Variants in FBLN5 observed in about 807,000 individuals in gnomAD.
FBLN5 encodes fibulin-5.
A neutral mutation model predicts 61.6 loss-of-function variants in FBLN5; 24 were observed. That is an observed-to-expected ratio of 0.39 (90% CI 0.28 to 0.55). The LOEUF is 0.55. Among genes scored for constraint, FBLN5 ranks in the 20% least tolerant of loss-of-function variants. The pLI, the probability that FBLN5 is intolerant of heterozygous loss-of-function variation, is 0.65. For missense variants in FBLN5, 470 were observed against 594.1 expected (o/e 0.79, Z 2.17); for synonymous variants, 213 against 219.8 (o/e 0.97, Z 0.27).
chr14:91,894,566 A>T lies in FBLN5; in HGVS notation c.502+384T>A, dbSNP rs1242552338. ...CAAAAGCCCCATTTGTACAAAAAAT[A>T]CAAAAATTATCTGGGCGTGGTGGCA... On this transcript the variant is annotated intron_variant, in intron 5 of 10. Transcript: ENST00000342058. Among the ~76,000 whole-genome samples, 8 of 152,026 alleles carry T rather than the reference A, an allele frequency of 5.3e-5. No individual in the cohort carries two copies. In the East Asian group the frequency reaches 1.5e-3, roughly 29 times the overall value.
chr14:91,919,385 GA>G (rs2055689524), intron 4 of FBLN5, among the ~76,000 whole-genome samples: 2 of 141,116 alleles, frequency 1.4e-5, no homozygotes, highest in Non-Finnish European at 3.1e-5. Flanking sequence ...AGAAAAGAAA[GA>G]AAGAAAGGAA....
intron 6 of FBLN5, among the ~76,000 whole-genome samples, chr14:91,889,147 C>T (rs746229223): frequency 3.9e-5 from 6 of 152,182 alleles, no homozygotes; most frequent in Non-Finnish European, 8.8e-5. Context: ...CACCAGTGCC[C>T]GTGGGAGGTT....
intron 4 of FBLN5, among the ~76,000 whole-genome samples, chr14:91,918,607 TC>T (rs1385713119): frequency 6.6e-6 from 1 of 152,206 alleles, no homozygotes; most frequent in Admixed American, 6.5e-5. Context: ...GGAAAGAGCA[TC>T]TTTTCTTTAT....
chr14:91,899,392 C>G (rs1464755869), intron 4 of FBLN5, among the ~76,000 whole-genome samples: 1 of 152,178 alleles, frequency 6.6e-6, no homozygotes, highest in African/African-American at 2.4e-5. Flanking sequence ...TGACCAGCAC[C>G]CTGGCAACTG....
chr14:91,881,787 A>AT (rs912165357), intron 8 of FBLN5, among the ~76,000 whole-genome samples: 37 of 151,300 alleles, frequency 2.4e-4, no homozygotes, highest in Admixed American at 3.9e-4. Flanking sequence ...TATATATATA[A>AT]TTTTTTTTAA....
At chr14:91,919,031 A>G (rs1595333849) in intron 4 of FBLN5, among the ~76,000 whole-genome samples, 1 of 152,112 alleles carries the variant, frequency 6.6e-6, no homozygotes, top group East Asian at 1.9e-4. Context: ...GTCATTAAGG[A>G]TAAGAAAAAA....
chr14:91,879,716 C>T (rs548232893), intron 9 of FBLN5, among the ~76,000 whole-genome samples: 1 of 152,358 alleles, frequency 6.6e-6, no homozygotes, highest in Admixed American at 6.5e-5. Flanking sequence ...CTCTTAGCAA[C>T]AAGTGAAGAT....
Position 91,947,314 on chromosome 14 carries a change from C to T in FBLN5, c.-85G>A, listed in dbSNP as rs2056200621. 8 of 1,507,306 alleles carry T rather than the reference C, an allele frequency of 5.3e-6. No individual in the cohort carries two copies. Among genetic ancestry groups the T allele is most frequent in the Non-Finnish European group, 7.4e-6 (8 of 1,084,518 alleles). The allele number at this position is 1,507,306 out of a possible 1,614,324, so 93.4% of individuals were successfully genotyped here. A position where few individuals can be genotyped will look rare whatever the true frequency, so the allele number is the denominator to read the frequency against. On this transcript the variant is annotated 5_prime_UTR_variant, in exon 1 of 11. Transcript: ENST00000342058. The surrounding 1 kb of genome is among the most constrained non-coding windows in gnomAD (Gnocchi z 4.3). ...CGGAGGAGCTCGGGCACGTCGGCCTCCTCTGGGCCCTCGGGGCTCGCGGGT... is the reference window on the plus strand; with the variant it reads ...CGGAGGAGCTCGGGCACGTCGGCCTTCTCTGGGCCCTCGGGGCTCGCGGGT...
intron 4 of FBLN5, among the ~76,000 whole-genome samples, chr14:91,920,174 T>C (rs2055709811): frequency 6.6e-6 from 1 of 152,178 alleles, no homozygotes; most frequent in Admixed American, 6.5e-5. Context: ...TCCTGTTGTC[T>C]TAATGACTCT....
At chr14:91,905,409 C>T (rs1890642746) in intron 4 of FBLN5, among the ~76,000 whole-genome samples, 1 of 152,106 alleles carries the variant, frequency 6.6e-6, no homozygotes, top group Non-Finnish European at 1.5e-5. Flanking sequence ...CATGAAGCTG[C>T]TAACAGGTGA....
chr14:91,890,511 T>C (rs1889942499), intron 6 of FBLN5, among the ~76,000 whole-genome samples: 1 of 152,258 alleles, frequency 6.6e-6, no homozygotes, highest in South Asian at 2.1e-4. Flanking sequence ...GGATTTGCGC[T>C]AATTCCTTGG....
chr14:91,921,983 T>C (rs1171635210), intron 4 of FBLN5, among the ~76,000 whole-genome samples: 1 of 152,152 alleles, frequency 6.6e-6, no homozygotes, highest in African/African-American at 2.4e-5. Flanking sequence ...TGTGGGACAG[T>C]CATGGAGCCC....
chr14:91,899,121 T>C (rs991221329), intron 4 of FBLN5, among the ~76,000 whole-genome samples: 4 of 149,788 alleles, frequency 2.7e-5, no homozygotes, highest in Non-Finnish European at 4.4e-5. Context: ...TCATTCTTTA[T>C]GCTCTACAGC....
intron 9 of FBLN5, among the ~76,000 whole-genome samples, chr14:91,880,178 G>C (rs933246206): frequency 6.6e-5 from 10 of 151,826 alleles, no homozygotes; most frequent in East Asian, 1.9e-4. Context: ...ATACTCAACT[G>C]TCCAGCACCT....
chr14:91,905,667 C>T (rs1890654799), intron 4 of FBLN5, among the ~76,000 whole-genome samples: 1 of 151,246 alleles, frequency 6.6e-6, no homozygotes, highest in African/African-American at 2.4e-5. Flanking sequence ...GCAACCTCCA[C>T]CTCCTGGGTT....
At chr14:91,880,513 G>A (rs1296157591) in intron 9 of FBLN5, among the ~76,000 whole-genome samples, 4 of 134,120 alleles carry the variant, frequency 3.0e-5, no homozygotes, top group Non-Finnish European at 6.4e-5. Flanking sequence ...AGAACTCTGT[G>A]GGAGTGTGCG....
At chr14:91,891,952 T>A (rs1846554130) in intron 5 of FBLN5, among the ~76,000 whole-genome samples, 1 of 152,158 alleles carries the variant, frequency 6.6e-6, no homozygotes, top group Non-Finnish European at 1.5e-5. Context: ...TCCAGTAACA[T>A]GAGGGCACTG....
At chr14:91,944,195 G>A (rs1199427243) in intron 1 of FBLN5, among the ~76,000 whole-genome samples, 1 of 152,078 alleles carries the variant, frequency 6.6e-6, no homozygotes, top group Non-Finnish European at 1.5e-5. Context: ...TGCCAGGCAT[G>A]GTGGTACACG....
intron 4 of FBLN5, among the ~76,000 whole-genome samples, chr14:91,929,625 T>A (rs1407449595): frequency 6.6e-6 from 1 of 152,282 alleles, no homozygotes; most frequent in Non-Finnish European, 1.5e-5. Flanking sequence ...AAATCATTTC[T>A]TTCCAGTTTG....
Sources: gnomAD v4.1 joint callset for allele counts (sites outside exome capture counted in the v4.1 genomes callset) on GRCh38, gnomAD v4.1.1 for gene constraint, Gnocchi (gnomAD v3.1) non-coding constraint, MANE v1.5 for transcripts, NCBI Gene and HGNC (gene_info 2026-07-23, HGNC 2026-07-21) for gene names.